The following NRXN3 variants were observed in gnomAD, a reference collection of about 807,000 sequenced individuals.
NRXN3 encodes the protein neurexin III.
NRXN3 carries 32 observed loss-of-function variants against 137.6 expected under a neutral mutation model. The observed-to-expected ratio is 0.23, with a 90% CI of 0.18 to 0.31. The LOEUF (loss-of-function observed/expected upper bound fraction) is 0.31. NRXN3 is among the 10% of genes least tolerant of loss of function. The pLI is 1.00. For synonymous variants in NRXN3, 798 were observed against 784.5 expected, an observed-to-expected ratio of 1.02 and a Z score of -0.29; for missense variants, 1,574 against 2,062.5, an observed-to-expected ratio of 0.76 and a Z score of 4.59.
In NRXN3 at chr14:78,514,940, G is replaced by A. The variant is rs1350451462; in HGVS notation, c.758-130180G>A. On this transcript the variant is annotated intron_variant, in intron 4 of 20. Transcript: ENST00000335750. ...TAATGCAAAGCTCTAAGGTGGTAAC[G>A]AGCTTGGTAGAGTCAAGGAGCAGCT... is the stretch of plus-strand genomic sequence containing the variant. Among the ~76,000 whole-genome samples the A allele has an allele frequency of 2.0e-5, 3 of 152,102 alleles. No homozygotes were observed. In the South Asian group the frequency reaches 6.2e-4, roughly 32 times the overall value.
At chr14:79,857,253 G>A (rs1160423976) in intron 20 of NRXN3, among the ~76,000 whole-genome samples, 1 of 152,022 alleles carries the variant, frequency 6.6e-6, no homozygotes, top group African/African-American at 2.4e-5. Flanking sequence ...ACAGAGTCTC[G>A]CTCTGTCGCC....
At chr14:79,167,645 C>T (rs1000919268) in intron 15 of NRXN3, among the ~76,000 whole-genome samples, 1 of 151,210 alleles carries the variant, frequency 6.6e-6, no homozygotes, top group Non-Finnish European at 1.5e-5. Flanking sequence ...TTTTTTTCTT[C>T]AATGATGTCT....
chr14:78,684,974 T>C (rs531431850), intron 6 of NRXN3, among the ~76,000 whole-genome samples: 39 of 152,344 alleles, frequency 2.6e-4, no homozygotes, highest in African/African-American at 7.5e-4. Flanking sequence ...TTGTGCCTAA[T>C]GTATGAAAGG....
At chr14:79,601,199 C>T (rs960731060) in intron 16 of NRXN3, among the ~76,000 whole-genome samples, 99 of 151,918 alleles carry the variant, frequency 6.5e-4, no homozygotes, top group African/African-American at 2.3e-3. Flanking sequence ...CACGCCACCA[C>T]GCCCAACTAA....
intron 10 of NRXN3, among the ~76,000 whole-genome samples, chr14:78,862,799 C>T (rs2099076242): frequency 6.6e-6 from 1 of 152,016 alleles, no homozygotes; most frequent in African/African-American, 2.4e-5. Flanking sequence ...TCAGTTTAAA[C>T]ATATAAAAAT....
intron 16 of NRXN3, among the ~76,000 whole-genome samples, chr14:79,575,084 G>T (rs1464532235): frequency 6.6e-6 from 1 of 152,142 alleles, no homozygotes; most frequent in Non-Finnish European, 1.5e-5. Context: ...TTTTGTTGAA[G>T]TCATGTTTTG....
intron 16 of NRXN3, among the ~76,000 whole-genome samples, chr14:79,504,923 G>A (rs1370916193): frequency 6.6e-6 from 1 of 151,942 alleles, no homozygotes; most frequent in Non-Finnish European, 1.5e-5. Flanking sequence ...TAAAAGAAAG[G>A]TGTGAAAATG....
chr14:79,380,349 C>G (rs1161555833), intron 15 of NRXN3, among the ~76,000 whole-genome samples: 2 of 143,710 alleles, frequency 1.4e-5, no homozygotes, highest in East Asian at 4.2e-4. Flanking sequence ...CCTCCCCCTT[C>G]CCCCCACCCC....
intron 16 of NRXN3, among the ~76,000 whole-genome samples, chr14:79,498,239 A>C (rs1340017138): frequency 6.6e-6 from 1 of 152,000 alleles, no homozygotes; most frequent in African/African-American, 2.4e-5. Flanking sequence ...AAACCTACTT[A>C]CTCCTGGGAA....
chr14:78,988,379 A>G, intron 15 of NRXN3: 1 of 498,958 alleles, frequency 2.0e-6, no homozygotes, highest in South Asian at 2.1e-5. Flanking sequence ...TCTTTAGATT[A>G]GAATAGCGAC....
intron 4 of NRXN3, among the ~76,000 whole-genome samples, chr14:78,550,177 G>A (rs1444397664): frequency 6.6e-6 from 1 of 152,004 alleles, no homozygotes; most frequent in Non-Finnish European, 1.5e-5. Context: ...TGGAACGACA[G>A]TCATGTGCCA....
chr14:78,443,942 C>A (rs945872059), intron 4 of NRXN3, among the ~76,000 whole-genome samples: 1 of 152,084 alleles, frequency 6.6e-6, no homozygotes, highest in African/African-American at 2.4e-5. Flanking sequence ...TTTGTCATTA[C>A]TTTTAAAGGC....
chr14:78,982,471 A>AC (rs1472699902), intron 14 of NRXN3, among the ~76,000 whole-genome samples: 1 of 151,526 alleles, frequency 6.6e-6, no homozygotes, highest in African/African-American at 2.4e-5. Context: ...CAGGATAGAG[A>AC]CCCCCAAAAT....
intron 3 of NRXN3, among the ~76,000 whole-genome samples, chr14:78,280,187 T>C (rs536675165): frequency 3.6e-4 from 55 of 152,336 alleles, no homozygotes; most frequent in African/African-American, 1.3e-3. Context: ...AGTGCCCTCA[T>C]GGACCTTTTA....
At chr14:79,357,725 T>C (rs2093476147) in intron 15 of NRXN3, among the ~76,000 whole-genome samples, 1 of 152,122 alleles carries the variant, frequency 6.6e-6, no homozygotes, top group African/African-American at 2.4e-5. Flanking sequence ...GATATATATA[T>C]ACATACCTTT....
At chr14:79,570,750 T>C (rs559707421) in intron 16 of NRXN3, among the ~76,000 whole-genome samples, 1 of 152,334 alleles carries the variant, frequency 6.6e-6, no homozygotes, top group South Asian at 2.1e-4. Flanking sequence ...CACATAGTTT[T>C]GGAGGCTGGA....
chr14:79,301,368 C>A (rs924707789), intron 15 of NRXN3, among the ~76,000 whole-genome samples: 10 of 152,032 alleles, frequency 6.6e-5, no homozygotes, highest in African/African-American at 2.2e-4. Flanking sequence ...TCATCGGCAG[C>A]TGTCTTACTC....
At position 78,853,004 on chromosome 14, in the gene NRXN3, C is replaced by G. The variant is rs374478244; in HGVS notation, c.2275+42660C>G. On this transcript the variant is annotated intron_variant, in intron 10 of 20. Transcript: ENST00000335750. ...ACCCCCAGTTCCATCCATATTGATGCAAATGACAGAATCTCATTCATTTTT... is the reference window on the plus strand; with the variant it reads ...ACCCCCAGTTCCATCCATATTGATGGAAATGACAGAATCTCATTCATTTTT... 1.6e-4 allele frequency among the ~76,000 whole-genome samples: 24 copies of G among 152,128 alleles called. No individual in the cohort carries two copies. In the East Asian group the frequency reaches 4.3e-3, roughly 27 times the overall value.
chr14:79,722,876 A>G (rs999210120), intron 19 of NRXN3, among the ~76,000 whole-genome samples: 11 of 152,170 alleles, frequency 7.2e-5, no homozygotes. Context: ...AAAAAGATAT[A>G]TGGAGTGTAA....
Sources: gnomAD v4.1 joint callset for allele counts (sites outside exome capture counted in the v4.1 genomes callset) on GRCh38, gnomAD v4.1.1 for gene constraint, MANE v1.5 for transcripts, NCBI Gene and HGNC (gene_info 2026-07-23, HGNC 2026-07-21) for gene names.